The following MTMR2 variants were observed in gnomAD, a reference collection of about 807,000 sequenced individuals.
MTMR2 encodes myotubularin related protein 2.
MTMR2 carries 55 observed loss-of-function variants against 86.9 expected under a neutral mutation model. The ratio of observed to expected loss-of-function variants is 0.63; its 90% CI spans 0.51 to 0.79. MTMR2 has a LOEUF of 0.79. Among genes scored for constraint, MTMR2 ranks in the 30% least tolerant of loss-of-function variants. The pLI is 0.00. For synonymous variants in MTMR2, 241 were observed against 266.8 expected (o/e 0.90, Z 0.94); for missense variants, 659 against 772.3 (o/e 0.85, Z 1.74).
chr11:95,876,570 A>C (rs1442590512), intron 2 of MTMR2, among the ~76,000 whole-genome samples: 1 of 152,224 alleles, frequency 6.6e-6, no homozygotes, highest in Non-Finnish European at 1.5e-5. Flanking sequence ...GTGCTATTTG[A>C]TAGCATTTAA....
chr11:95,867,921 T>C (rs972971981), intron 2 of MTMR2, among the ~76,000 whole-genome samples: 2 of 151,358 alleles, frequency 1.3e-5, no homozygotes, highest in East Asian at 1.9e-4. Flanking sequence ...TGTAAAAGCA[T>C]GTATAAGGTA....
intron 5 of MTMR2, among the ~76,000 whole-genome samples, chr11:95,860,880 G>A (rs993812369): frequency 8.5e-5 from 13 of 152,132 alleles, no homozygotes; most frequent in African/African-American, 2.7e-4. Flanking sequence ...AAAACTGGCC[G>A]GGCACGGTGG....
intron 1 of MTMR2, among the ~76,000 whole-genome samples, chr11:95,915,069 A>C (rs530475336): frequency 1.3e-5 from 2 of 152,296 alleles, no homozygotes; most frequent in African/African-American, 4.8e-5. Context: ...CTAGGAAAGC[A>C]AGGCTTGTTT....
At chr11:95,846,170 A>G (rs942947701) in intron 10 of MTMR2, among the ~76,000 whole-genome samples, 1 of 152,170 alleles carries the variant, frequency 6.6e-6, no homozygotes, top group Non-Finnish European at 1.5e-5. Context: ...AATAAATTCC[A>G]CCTATAATTC....
chr11:95,877,331 C>CTTTTT (rs1565368414), intron 2 of MTMR2, among the ~76,000 whole-genome samples: 2,719 of 94,214 alleles, frequency 0.029, 536 homozygotes, highest in African/African-American at 0.067. Flanking sequence ...ACAGGGAAGC[C>CTTTTT]CTTTTTTTTT....
intron 1 of MTMR2, among the ~76,000 whole-genome samples, chr11:95,918,745 G>C (rs1866800701): frequency 6.6e-6 from 1 of 152,188 alleles, no homozygotes; most frequent in Non-Finnish European, 1.5e-5. Context: ...GACATGCCAA[G>C]AGTGACAAAG....
intron 11 of MTMR2, among the ~76,000 whole-genome samples, chr11:95,841,966 C>T (rs1026546185): frequency 6.6e-6 from 1 of 152,076 alleles, no homozygotes; most frequent in Non-Finnish European, 1.5e-5. Context: ...TGGTGGCGTG[C>T]ACCTGTAGTC....
chr11:95,902,600 TC>T (rs1866113148), intron 1 of MTMR2, among the ~76,000 whole-genome samples: 2 of 152,236 alleles, frequency 1.3e-5, no homozygotes, highest in Non-Finnish European at 2.9e-5. Flanking sequence ...TCCCATTCAC[TC>T]CCTATTCCTC....
chr11:95,864,860 C>T (rs1249599739), intron 3 of MTMR2, among the ~76,000 whole-genome samples: 1 of 152,022 alleles, frequency 6.6e-6, no homozygotes, highest in East Asian at 1.9e-4. Context: ...TTTTAAAATC[C>T]TTTTTAAAAA....
chr11:95,838,007 TC>T, intron 13 of MTMR2, 86 bp downstream of exon 13: 1 of 851,874 alleles, frequency 1.2e-6, no homozygotes, highest in Non-Finnish European at 2.0e-6. Context: ...AAGAATGACT[TC>T]AGTTGAAATC....
chr11:95,839,657 GT>G (rs1378608683), intron 12 of MTMR2, among the ~76,000 whole-genome samples: 2 of 152,152 alleles, frequency 1.3e-5, no homozygotes, highest in Non-Finnish European at 2.9e-5. Context: ...CAGGGCTGAG[GT>G]GACAGAGATG....
intron 2 of MTMR2, among the ~76,000 whole-genome samples, chr11:95,882,773 A>G (rs1236777465): frequency 6.8e-6 from 1 of 146,800 alleles, no homozygotes; most frequent in East Asian, 2.0e-4. Context: ...CCCAGGCTGG[A>G]GTGCAGTGGC....
chr11:95,908,099 A>G (rs1303735705), intron 1 of MTMR2, among the ~76,000 whole-genome samples: 1 of 152,142 alleles, frequency 6.6e-6, no homozygotes, highest in Non-Finnish European at 1.5e-5. Flanking sequence ...TAAACCCAAC[A>G]GTCTCTGCCC....
chr11:95,865,732 A>G (rs945411414), intron 2 of MTMR2, 56 bp from the exon 3 acceptor site: 1 of 1,408,200 alleles, frequency 7.1e-7, no homozygotes, highest in Non-Finnish European at 1.0e-6. Flanking sequence ...CTACTTTTTC[A>G]CTCATATTTC....
chr11:95,861,421 T>TTATTAG (rs1194142161), intron 5 of MTMR2, among the ~76,000 whole-genome samples: 2 of 147,962 alleles, frequency 1.4e-5, no homozygotes, highest in Non-Finnish European at 3.0e-5. Flanking sequence ...ATTATTATTA[T>TTATTAG]TATTATTATT....
At chr11:95,861,317 C>T (rs1030798394) in intron 5 of MTMR2, among the ~76,000 whole-genome samples, 4 of 150,896 alleles carry the variant, frequency 2.7e-5, no homozygotes, top group Admixed American at 6.6e-5. Context: ...TTGTGCCTAC[C>T]TCACAGGATT....
chr11:95,915,069 A>G (rs530475336), intron 1 of MTMR2, among the ~76,000 whole-genome samples: 123 of 152,296 alleles, frequency 8.1e-4, no homozygotes, highest in African/African-American at 2.8e-3. Flanking sequence ...CTAGGAAAGC[A>G]AGGCTTGTTT....
intron 2 of MTMR2, among the ~76,000 whole-genome samples, chr11:95,869,903 T>A (rs1864787713): frequency 6.6e-6 from 1 of 151,870 alleles, no homozygotes; most frequent in Non-Finnish European, 1.5e-5. Context: ...AGAATGAGAG[T>A]GTGGACTGAA....
At chr11:95,847,259 C>T (rs1863830690) in intron 10 of MTMR2, among the ~76,000 whole-genome samples, 1 of 152,050 alleles carries the variant, frequency 6.6e-6, no homozygotes, top group Non-Finnish European at 1.5e-5. Flanking sequence ...TGCCCTAGCT[C>T]CTGAGAGGAC....
Sources: gnomAD v4.1 joint callset for allele counts (sites outside exome capture counted in the v4.1 genomes callset) on GRCh38, gnomAD v4.1.1 for gene constraint, MANE v1.5 for transcripts, NCBI Gene and HGNC (gene_info 2026-07-23, HGNC 2026-07-21) for gene names.